Variants in SNAP25 observed in about 807,000 individuals in gnomAD.
SNAP25 encodes the protein synaptosomal-associated protein 25.
Under a neutral mutation model 28.7 loss-of-function variants are expected in SNAP25, and 3 were observed. The observed-to-expected ratio is 0.10, with a 90% CI of 0.05 to 0.27. SNAP25 has a LOEUF of 0.27. SNAP25 is among the 10% of genes least tolerant of loss of function. SNAP25 has a pLI of 1.00. For missense variants in SNAP25, 117 were observed against 278.7 expected, an observed-to-expected ratio of 0.42 and a Z score of 4.13; for synonymous variants, 61 against 88.1, an observed-to-expected ratio of 0.69 and a Z score of 1.72.
intron 4 of SNAP25, 83 bp downstream of exon 4, chr20:10,284,855 C>A: frequency 4.5e-6 from 5 of 1,108,378 alleles, no homozygotes; most frequent in South Asian, 3.8e-5. Flanking sequence ...CGCAGATGGT[C>A]GCTTTGACAT....
chr20:10,265,301 A>C (rs1385754327), intron 1 of SNAP25, among the ~76,000 whole-genome samples: 1 of 152,208 alleles, frequency 6.6e-6, no homozygotes, highest in East Asian at 1.9e-4. Context: ...TTAGTGATAG[A>C]AATGTAAACA....
At chr20:10,301,489 G>A (rs1366610552) in intron 7 of SNAP25, among the ~76,000 whole-genome samples, 2 of 152,014 alleles carry the variant, frequency 1.3e-5, no homozygotes, top group African/African-American at 2.4e-5. Context: ...TGATCATGTC[G>A]CATGAACTGC....
intron 1 of SNAP25, chr20:10,231,669 G>A (rs1054313377): frequency 1.3e-5 from 2 of 152,128 alleles, no homozygotes; most frequent in Non-Finnish European, 2.9e-5. Context: ...ATCAGGCAGA[G>A]CTTCCTCCAA....
chr20:10,275,037 A>G (rs1244201161), intron 1 of SNAP25, among the ~76,000 whole-genome samples: 1 of 151,222 alleles, frequency 6.6e-6, no homozygotes, highest in Non-Finnish European at 1.5e-5. Flanking sequence ...TGTGGGGTGG[A>G]CTGTATATCT....
chr20:10,306,218 C>T lies in SNAP25; in HGVS notation c.*21C>T, dbSNP rs771100094. The T allele has an allele frequency of 1.7e-5, 28 of 1,611,948 alleles. No homozygotes were observed. The Admixed American group carries it at 2.0e-4, about 12-fold the overall frequency. ...GTTAAGTGTGCCCACCCGTGTTCTC[C>T]TCCAAATGCTGTCGGGCAAGATAGC... On this transcript the variant is annotated 3_prime_UTR_variant, in exon 8 of 8. Coordinates refer to ENST00000254976, the MANE Select transcript of SNAP25 (RefSeq NM_130811.4).
At chr20:10,283,718 T>C (rs1242320892) in intron 3 of SNAP25, among the ~76,000 whole-genome samples, 1 of 152,186 alleles carries the variant, frequency 6.6e-6, no homozygotes. Flanking sequence ...ATAAGCACCA[T>C]GAGAGAGGTC....
chr20:10,218,838 T>G lies in SNAP25; in HGVS notation c.-203T>G, dbSNP rs1454673808. On this transcript the variant is annotated 5_prime_UTR_variant, in exon 1 of 8. The change abolishes an upstream ATG in the 5' untranslated region. Coordinates refer to ENST00000254976, the MANE Select transcript of SNAP25 (RefSeq NM_130811.4). ...CGTCAAAACGGACGGCCATCTTTGATGAGGGCAGAGCTCACGTTGCATTGA... is the reference window on the plus strand; with the variant it reads ...CGTCAAAACGGACGGCCATCTTTGAGGAGGGCAGAGCTCACGTTGCATTGA... The G allele has an allele frequency of 2.6e-5, 4 of 151,632 alleles. No homozygotes were observed. The highest frequency in any genetic ancestry group is 5.9e-5 in the Non-Finnish European group (4 of 67,986). 9.4% of individuals were successfully genotyped at this position (151,632 alleles called of 1,614,324 possible).
rs1284058190 is a variant in SNAP25, at chr20:10,257,989, A to G, written c.-63-17440A>G. ...TTTGTATTACTAAGAAAAATTATCC[A>G]TAACTTGGAAATAAAGCAAAATGAT... On this transcript the variant is annotated intron_variant, in intron 1 of 7. Coordinates refer to ENST00000254976, the MANE Select transcript of SNAP25 (RefSeq NM_130811.4). Among the ~76,000 whole-genome samples, 4 of 152,156 alleles carry G rather than the reference A, an allele frequency of 2.6e-5. 1 individual carries two copies. Among genetic ancestry groups the G allele is most frequent in the Admixed American group, 2.0e-4 (3 of 15,282 alleles).
intron 3 of SNAP25, among the ~76,000 whole-genome samples, chr20:10,283,636 T>G (rs1054445728): frequency 6.6e-6 from 1 of 152,244 alleles, no homozygotes; most frequent in Non-Finnish European, 1.5e-5. Flanking sequence ...ATACTATTTT[T>G]TTAAAAGCAC....
intron 3 of SNAP25, among the ~76,000 whole-genome samples, chr20:10,281,069 C>A (rs1174304679): frequency 6.6e-6 from 1 of 151,940 alleles, no homozygotes. Flanking sequence ...CTTAGTTCAT[C>A]TGGAAAAATT....
chr20:10,236,713 T>G (rs2062928183), intron 1 of SNAP25, among the ~76,000 whole-genome samples: 3 of 152,070 alleles, frequency 2.0e-5, no homozygotes, highest in Non-Finnish European at 4.4e-5. Flanking sequence ...GCCAAGCAAC[T>G]GCGTGGAAGC....
Position 10,293,344 on chromosome 20 carries a change from C to T in SNAP25, c.281+66C>T. Reference sequence around the variant, plus strand: ...GCCCATCTCCAAGCCTTGACAAGCTCATTCCTGCCAAGCTCATAGGCAGGA... The same window carrying T: ...GCCCATCTCCAAGCCTTGACAAGCTTATTCCTGCCAAGCTCATAGGCAGGA... On this transcript the variant is annotated intron_variant, in intron 5 of 7. Transcript: ENST00000254976. This position sits in a 1 kb window ranked among gnomAD's most constrained non-coding sequence, Gnocchi z 5.6. The T allele has an allele frequency of 8.1e-7, 1 of 1,240,670 alleles. No homozygotes were observed. The highest frequency in any genetic ancestry group is 2.3e-5 in the East Asian group (1 of 43,218). The allele number at this position is 1,240,670 out of a possible 1,614,324, so 76.9% of individuals were successfully genotyped here. A position where few individuals can be genotyped will look rare whatever the true frequency, so the allele number is the denominator to read the frequency against.
chr20:10,243,823 T>C (rs542613467), intron 1 of SNAP25, among the ~76,000 whole-genome samples: 3 of 152,352 alleles, frequency 2.0e-5, no homozygotes, highest in African/African-American at 7.2e-5. Flanking sequence ...AATCTTTGAC[T>C]GAGTCTAGCT....
Position 10,292,287 on chromosome 20 carries a change from T to A in SNAP25, c.164-874T>A, listed in dbSNP as rs906031294. 6.6e-5 allele frequency among the ~76,000 whole-genome samples: 10 copies of A among 152,306 alleles called. 1 individual carries two copies. The highest frequency in any genetic ancestry group is 1.9e-4 in the East Asian group (1 of 5,192). On this transcript the variant is annotated intron_variant, in intron 4 of 7. Transcript: ENST00000254976. ...TGCTGTGTGGATGTTACTCTTTTTT[T>A]AAAAAACAGCTTTTACGAATTACAT...
chr20:10,265,423 A>G (rs952031909), intron 1 of SNAP25, among the ~76,000 whole-genome samples: 1 of 152,204 alleles, frequency 6.6e-6, no homozygotes, highest in Non-Finnish European at 1.5e-5. Flanking sequence ...TATCAGCACC[A>G]TCCACAGAGT....
At chr20:10,283,284 G>A (rs943910687) in intron 3 of SNAP25, among the ~76,000 whole-genome samples, 4 of 152,190 alleles carry the variant, frequency 2.6e-5, no homozygotes, top group Admixed American at 6.5e-5. Context: ...ATTAACTGTT[G>A]TCATTGCTGT....
At chr20:10,223,634 C>T (rs1244924770) in intron 1 of SNAP25, among the ~76,000 whole-genome samples, 1 of 151,544 alleles carries the variant, frequency 6.6e-6, no homozygotes, top group African/African-American at 2.4e-5. Context: ...TGACATAGCA[C>T]TGAGGAAGTA....
At chr20:10,227,678 A>G (rs1246330111) in intron 1 of SNAP25, among the ~76,000 whole-genome samples, 1 of 152,170 alleles carries the variant, frequency 6.6e-6, no homozygotes, top group Admixed American at 6.5e-5. Flanking sequence ...GATTCTCAAT[A>G]AAGGCATTGC....
chr20:10,262,290 T>C (rs2063426678), intron 1 of SNAP25, among the ~76,000 whole-genome samples: 1 of 152,212 alleles, frequency 6.6e-6, no homozygotes, highest in African/African-American at 2.4e-5. Context: ...TGTTTGCCAT[T>C]TCAAGGATAC....
Sources: gnomAD v4.1 joint callset for allele counts (sites outside exome capture counted in the v4.1 genomes callset) on GRCh38, gnomAD v4.1.1 for gene constraint, Gnocchi (gnomAD v3.1) non-coding constraint, MANE v1.5 for transcripts, NCBI Gene and HGNC (gene_info 2026-07-23, HGNC 2026-07-21) for gene names.